Variants in PACRG observed in about 807,000 individuals in gnomAD.
PACRG encodes the protein parkin coregulated.
In PACRG, 29 loss-of-function variants were observed where a neutral mutation model predicts 29.7. That is an observed-to-expected ratio of 0.98 (90% CI 0.73 to 1.33). PACRG has a LOEUF of 1.33. Ranked by LOEUF, PACRG falls within the 40% of genes most tolerant of loss-of-function variation. The probability of loss-of-function intolerance (pLI) is 0.00; values close to 1 mark genes in which losing one functional copy is unlikely to be tolerated. For missense variants in PACRG, 279 were observed against 316.2 expected, an observed-to-expected ratio of 0.88 and a Z score of 0.89; for synonymous variants, 116 against 118.7, an observed-to-expected ratio of 0.98 and a Z score of 0.15.
intron 2 of PACRG, among the ~76,000 whole-genome samples, chr6:163,038,387 G>A (rs1389124561): frequency 6.6e-6 from 1 of 152,180 alleles, no homozygotes; most frequent in African/African-American, 2.4e-5. Flanking sequence ...AAAGAAAATG[G>A]GGACAGATTC....
At chr6:163,044,398 C>A (rs1312212285) in intron 2 of PACRG, among the ~76,000 whole-genome samples, 1 of 152,120 alleles carries the variant, frequency 6.6e-6, no homozygotes, top group African/African-American at 2.4e-5. Flanking sequence ...AATTCCTGGG[C>A]TCAAGCAATC....
intron 4 of PACRG, among the ~76,000 whole-genome samples, chr6:163,204,370 A>G (rs1780817679): frequency 6.6e-6 from 1 of 152,188 alleles, no homozygotes; most frequent in South Asian, 2.1e-4. Context: ...TCTCTAGATT[A>G]TATGTGCCAA....
At chr6:162,840,083 T>C (rs1358982795) in intron 2 of PACRG, among the ~76,000 whole-genome samples, 7 of 110,390 alleles carry the variant, frequency 6.3e-5, no homozygotes, top group African/African-American at 2.7e-4. Flanking sequence ...GCAGGCTCTT[T>C]TTTGGTTCCA....
chr6:162,730,367 C>T (rs9356058), intron 1 of PACRG, among the ~76,000 whole-genome samples: 103,436 of 151,908 alleles, frequency 0.68, 36,117 homozygotes, highest in African/African-American at 0.84. Flanking sequence ...TGATTCAGGA[C>T]GTGTATGCCA....
chr6:163,066,586 C>G (rs927567283), intron 3 of PACRG, among the ~76,000 whole-genome samples: 2 of 152,054 alleles, frequency 1.3e-5, no homozygotes, highest in African/African-American at 4.8e-5. Context: ...GGGTCTACAC[C>G]CTCAAAGTCA....
At chr6:162,783,447 T>A (rs1784239785) in intron 1 of PACRG, among the ~76,000 whole-genome samples, 1 of 152,008 alleles carries the variant, frequency 6.6e-6, no homozygotes, top group South Asian at 2.1e-4. Context: ...CACATATGCA[T>A]ATATATGCTA....
At chr6:163,156,074 C>A (rs187036680) in intron 4 of PACRG, among the ~76,000 whole-genome samples, 67 of 152,318 alleles carry the variant, frequency 4.4e-4, no homozygotes, top group Non-Finnish European at 1.3e-4. Flanking sequence ...CCGCCGTGTG[C>A]GGAAAGCTGC....
intron 4 of PACRG, among the ~76,000 whole-genome samples, chr6:163,220,405 G>A (rs1375229279): frequency 6.6e-6 from 1 of 152,190 alleles, no homozygotes. Flanking sequence ...GGGGGCAAGT[G>A]GGGCTGAGAT....
intron 4 of PACRG, among the ~76,000 whole-genome samples, chr6:163,161,837 T>C (rs1778569231): frequency 6.6e-6 from 1 of 152,210 alleles, no homozygotes; most frequent in Non-Finnish European, 1.5e-5. Flanking sequence ...TGAGTGGACC[T>C]CTCAAAATCC....
At chr6:163,307,783 A>G (rs1037714382) in intron 4 of PACRG, among the ~76,000 whole-genome samples, 4 of 152,256 alleles carry the variant, frequency 2.6e-5, no homozygotes, top group African/African-American at 4.8e-5. Context: ...TTCTAAAAGC[A>G]GATAACTTCA....
chr6:162,981,033 C>G (rs540367157), intron 2 of PACRG, among the ~76,000 whole-genome samples: 1 of 152,028 alleles, frequency 6.6e-6, no homozygotes, highest in Non-Finnish European at 1.5e-5. Context: ...TTATCCCTCA[C>G]CCCCTCCCAA....
intron 1 of PACRG, among the ~76,000 whole-genome samples, chr6:162,736,388 G>C (rs1780165453): frequency 6.6e-6 from 1 of 152,168 alleles, no homozygotes; most frequent in Admixed American, 6.5e-5. Flanking sequence ...GAAATGTGTA[G>C]ATTGTATATA....
At chr6:163,283,770 C>T (rs975942466) in intron 4 of PACRG, among the ~76,000 whole-genome samples, 3 of 148,690 alleles carry the variant, frequency 2.0e-5, no homozygotes, top group South Asian at 2.1e-4. Flanking sequence ...CACTGCAGTC[C>T]GCAGTCCGGC....
chr6:162,729,601 G>A (rs996948922), intron 1 of PACRG, among the ~76,000 whole-genome samples: 2 of 151,950 alleles, frequency 1.3e-5, no homozygotes, highest in Non-Finnish European at 2.9e-5. Flanking sequence ...GGTTCTCCTA[G>A]GAGTCAAGAT....
At chr6:163,050,688 T>C (rs1340506865) in intron 2 of PACRG, among the ~76,000 whole-genome samples, 1 of 152,226 alleles carries the variant, frequency 6.6e-6, no homozygotes, top group Non-Finnish European at 1.5e-5. Context: ...ATAACTTTTG[T>C]TCTTTGAGCA....
At chr6:162,731,305 C>T (rs1421890367) in intron 1 of PACRG, among the ~76,000 whole-genome samples, 2 of 151,938 alleles carry the variant, frequency 1.3e-5, no homozygotes, top group Non-Finnish European at 1.5e-5. Flanking sequence ...ATAGTCAGCT[C>T]TTTGTACAGA....
intron 4 of PACRG, among the ~76,000 whole-genome samples, chr6:163,145,709 C>T (rs943652381): frequency 6.6e-6 from 1 of 152,236 alleles, no homozygotes; most frequent in African/African-American, 2.4e-5. Flanking sequence ...AATCCATCCT[C>T]TGAACCGACT....
chr6:163,021,347 T>A (rs1442835498), intron 2 of PACRG, among the ~76,000 whole-genome samples: 1 of 152,088 alleles, frequency 6.6e-6, no homozygotes, highest in Non-Finnish European at 1.5e-5. Flanking sequence ...AAGCCAGGAG[T>A]TGTCCTTGGC....
At chr6:163,289,413 T>A (rs1207969873) in intron 4 of PACRG, among the ~76,000 whole-genome samples, 1 of 152,246 alleles carries the variant, frequency 6.6e-6, no homozygotes, top group East Asian at 1.9e-4. Context: ...CTCATATGAA[T>A]CTTGAGTCAG....
Sources: allele counts gnomAD v4.1 joint callset (sites outside exome capture counted in the v4.1 genomes callset), GRCh38; gene constraint gnomAD v4.1.1; transcripts MANE v1.5; gene names NCBI Gene and HGNC (gene_info 2026-07-23, HGNC 2026-07-21).